RAB27A: variants seen among roughly 807,000 people sequenced by gnomAD.
The protein encoded by RAB27A is ras-related protein Rab-27A.
A neutral mutation model predicts 20.8 loss-of-function variants in RAB27A; 17 were observed. The observed-to-expected ratio is 0.82, with a 90% CI of 0.56 to 1.23. RAB27A has a LOEUF of 1.23. RAB27A is among the 50% of genes most tolerant of loss of function. RAB27A has a pLI of 0.00. For missense variants in RAB27A, 277 were observed against 266.7 expected, an observed-to-expected ratio of 1.04 and a Z score of -0.27; for synonymous variants, 85 against 92.8, an observed-to-expected ratio of 0.92 and a Z score of 0.48.
At chr15:55,259,261 CT>C (rs1187555506) in intron 2 of RAB27A, among the ~76,000 whole-genome samples, 1 of 150,152 alleles carries the variant, frequency 6.7e-6, no homozygotes, top group Non-Finnish European at 1.5e-5. Context: ...CAAATTTATT[CT>C]TTTTTATAGT....
chr15:55,318,561 A>G (rs1339324574), intron 1 of RAB27A, among the ~76,000 whole-genome samples: 1 of 151,148 alleles, frequency 6.6e-6, no homozygotes, highest in Non-Finnish European at 1.5e-5. Flanking sequence ...AAAATTGGCC[A>G]GGCGTGGTGG....
rs945674847 is a variant in RAB27A at position 55,209,827 on chromosome 15, T to C, written c.468-4122A>G. The stretch of plus-strand genomic sequence containing the variant: ...ATATATACACACATGTGTGTATATA[T>C]ACATATATGTGTGTACACATATATG... On this transcript the variant is annotated intron_variant, in intron 6 of 6. Transcript: ENST00000336787. Among the ~76,000 whole-genome samples, 4 of 126,832 alleles carry C rather than the reference T, an allele frequency of 3.2e-5. 1 individual carries two copies. The highest frequency in any genetic ancestry group is 8.1e-5 in the African/African-American group (2 of 24,830). 83.2% of individuals were successfully genotyped at this position (126,832 alleles called of 152,430 possible). A position where few individuals can be genotyped will look rare whatever the true frequency, so the allele number is the denominator to read the frequency against.
intron 2 of RAB27A, among the ~76,000 whole-genome samples, chr15:55,245,294 A>T (rs1896645069): frequency 6.6e-6 from 1 of 152,174 alleles, no homozygotes; most frequent in Non-Finnish European, 1.5e-5. Context: ...ATGTGCGTAG[A>T]TATGGTTGCG....
At chr15:55,250,706 G>A (rs1896856822) in intron 2 of RAB27A, among the ~76,000 whole-genome samples, 1 of 152,180 alleles carries the variant, frequency 6.6e-6, no homozygotes, top group Non-Finnish European at 1.5e-5. Context: ...ACTTCTAGAA[G>A]CATGAAAGGG....
At position 55,270,277 on chromosome 15, in the gene RAB27A, C is replaced by T. The variant is rs1897664437; in HGVS notation, c.-135G>A. On this transcript the variant is annotated 5_prime_UTR_variant, in exon 2 of 7. Transcript: ENST00000336787. ...TCACATGTCCTCTTCAGGAAGGTTACTTTTTGTCTAATGTTAAGACAAAGA... is the reference window on the plus strand; with the variant it reads ...TCACATGTCCTCTTCAGGAAGGTTATTTTTTGTCTAATGTTAAGACAAAGA... 1 of 152,180 alleles carries T rather than the reference C, an allele frequency of 6.6e-6. No individual in the cohort carries two copies. Among genetic ancestry groups the T allele is most frequent in the Non-Finnish European group, 1.5e-5 (1 of 68,030 alleles). The allele number at this position is 152,180 out of a possible 1,614,324, so 9.4% of individuals were successfully genotyped here. A position where few individuals can be genotyped will look rare whatever the true frequency, so the allele number is the denominator to read the frequency against.
intron 6 of RAB27A, among the ~76,000 whole-genome samples, chr15:55,210,803 C>T (rs1595671222): frequency 6.6e-6 from 1 of 152,108 alleles, no homozygotes; most frequent in South Asian, 2.1e-4. Context: ...GTGTTGGTTG[C>T]CTGTGTTTTG....
At chr15:55,296,651 T>C (rs1270099281) in intron 2 of RAB27A, among the ~76,000 whole-genome samples, 3 of 152,106 alleles carry the variant, frequency 2.0e-5, no homozygotes, top group Admixed American at 1.3e-4. Flanking sequence ...TAAAGACTTA[T>C]TTATTTTTAA....
At chr15:55,254,907 C>T (rs1897024681) in intron 2 of RAB27A, among the ~76,000 whole-genome samples, 1 of 152,184 alleles carries the variant, frequency 6.6e-6, no homozygotes, top group Non-Finnish European at 1.5e-5. Context: ...GAGTTGGAAA[C>T]ACAATTTAGT....
chr15:55,300,402 A>G (rs2054967001), intron 2 of RAB27A, among the ~76,000 whole-genome samples: 1 of 152,098 alleles, frequency 6.6e-6, no homozygotes, highest in African/African-American at 2.4e-5. Flanking sequence ...TTTCTTGGCC[A>G]GGCTTCATGG....
chr15:55,261,709 CAAAAAAAAAAAA>C lies in RAB27A; in HGVS notation c.-23+8444_-23+8455del, dbSNP rs768256540. On this transcript the variant is annotated intron_variant, in intron 2 of 6. Coordinates refer to ENST00000336787, the MANE Select transcript of RAB27A (RefSeq NM_183235.3). The stretch of plus-strand genomic sequence containing the variant: ...TGAGCCGAGATCACTCACTGCATCT[CAAAAAAAAAAAA>C]AAAAAAAAAAAAAAGCATCTTTTTG... 2.7e-4 allele frequency among the ~76,000 whole-genome samples: 5 copies of C among 18,658 alleles called. 1 individual carries two copies. Among genetic ancestry groups the C allele is most frequent in the South Asian group, 2.3e-3 (1 of 428 alleles). 12.2% of individuals were successfully genotyped at this position (18,658 alleles called of 152,430 possible).
intron 2 of RAB27A, among the ~76,000 whole-genome samples, chr15:55,313,685 C>A (rs894985674): frequency 3.3e-5 from 5 of 152,114 alleles, no homozygotes; most frequent in African/African-American, 1.2e-4. Context: ...AGCAGCCTGG[C>A]CAACAGGGTG....
At chr15:55,206,330 T>A in intron 6 of RAB27A, 2 of 778,246 alleles carry the variant, frequency 2.6e-6, no homozygotes, top group Non-Finnish European at 3.1e-6. Context: ...GAGACAGAAT[T>A]AAATCTTTTT....
intron 2 of RAB27A, among the ~76,000 whole-genome samples, chr15:55,306,465 G>A (rs2054997300): frequency 6.6e-6 from 1 of 152,160 alleles, no homozygotes; most frequent in African/African-American, 2.4e-5. Flanking sequence ...GGCGTGCTAT[G>A]TACTCAGGTC....
intron 2 of RAB27A, among the ~76,000 whole-genome samples, chr15:55,236,007 G>C (rs140640830): frequency 9.9e-4 from 151 of 152,074 alleles, no homozygotes; most frequent in African/African-American, 3.5e-3. Context: ...TTGGGGACTC[G>C]GGTGGAAAGG....
intron 1 of RAB27A, among the ~76,000 whole-genome samples, chr15:55,273,807 T>C (rs1897774618): frequency 6.6e-6 from 1 of 152,210 alleles, no homozygotes; most frequent in Non-Finnish European, 1.5e-5. Flanking sequence ...GTAAGGGATT[T>C]GAATACCCTG....
intron 2 of RAB27A, among the ~76,000 whole-genome samples, chr15:55,297,601 T>G (rs1217950147): frequency 2.0e-5 from 3 of 152,216 alleles, no homozygotes; most frequent in African/African-American, 7.2e-5. Flanking sequence ...CAAACCAGCA[T>G]GGAAGGTACA....
At chr15:55,224,531 C>A (rs1387378724) in intron 5 of RAB27A, among the ~76,000 whole-genome samples, 2 of 152,122 alleles carry the variant, frequency 1.3e-5, no homozygotes, top group African/African-American at 4.8e-5. Flanking sequence ...TTAAAACAAA[C>A]AAGATACAGG....
At chr15:55,265,754 T>C (rs948600963) in intron 2 of RAB27A, among the ~76,000 whole-genome samples, 4 of 151,814 alleles carry the variant, frequency 2.6e-5, no homozygotes, top group African/African-American at 9.7e-5. Context: ...GAGGCTAAGG[T>C]TACTTAGGAT....
At chr15:55,250,816 T>C (rs1030903429) in intron 2 of RAB27A, among the ~76,000 whole-genome samples, 6 of 152,248 alleles carry the variant, frequency 3.9e-5, no homozygotes, top group African/African-American at 7.2e-5. Flanking sequence ...AACAAACCTT[T>C]CATTGCCTCA....
Sources: allele counts gnomAD v4.1 joint callset (sites outside exome capture counted in the v4.1 genomes callset), GRCh38; gene constraint gnomAD v4.1.1; transcripts MANE v1.5; gene names NCBI Gene and HGNC (gene_info 2026-07-23, HGNC 2026-07-21).